The following PTRH1 variants were observed in gnomAD, a reference collection of about 807,000 sequenced individuals.
The protein encoded by PTRH1 is peptidyl-tRNA hydrolase 1 homolog.
Under a neutral mutation model 15.7 loss-of-function variants are expected in PTRH1, and 13 were observed. That is an observed-to-expected ratio of 0.83 (90% CI 0.54 to 1.31). PTRH1 has a LOEUF of 1.31. Ranked by LOEUF, PTRH1 falls within the 40% of genes most tolerant of loss-of-function variation. The pLI is 0.00. For synonymous variants in PTRH1, 139 were observed against 136.7 expected (o/e 1.02, Z -0.12); for missense variants, 319 against 296.2 (o/e 1.08, Z -0.56).
intron 1 of PTRH1, among the ~76,000 whole-genome samples, chr9:127,702,120 T>G (rs896980496): frequency 5.3e-5 from 8 of 152,132 alleles, no homozygotes; most frequent in African/African-American, 1.9e-4. Context: ...ATGCCTGTAA[T>G]CCCAGCACTT....
At chr9:127,698,214 G>C (rs1842577443) in intron 1 of PTRH1, among the ~76,000 whole-genome samples, 1 of 152,112 alleles carries the variant, frequency 6.6e-6, no homozygotes, top group Admixed American at 6.5e-5. Flanking sequence ...AAGCAACACA[G>C]CAAGACCCCG....
chr9:127,707,344 C>A, intron 1 of PTRH1: 1 of 768,538 alleles, frequency 1.3e-6, no homozygotes, highest in Non-Finnish European at 2.0e-6. Context: ...CTCATTTCCT[C>A]ATACGTACCT....
At chr9:127,699,682 A>C (rs1252570440) in intron 1 of PTRH1, among the ~76,000 whole-genome samples, 1 of 151,994 alleles carries the variant, frequency 6.6e-6, no homozygotes, top group African/African-American at 2.4e-5. Context: ...AGGATGAAAG[A>C]CTGTGCTGAG....
chr9:127,712,244 G>A, downstream of PTRH1: 4 of 1,614,056 alleles, frequency 2.5e-6, no homozygotes, highest in Non-Finnish European at 3.4e-6. Context: ...AGCAGCAGGT[G>A]GATTTGCAGC....
intron 1 of PTRH1, among the ~76,000 whole-genome samples, chr9:127,697,654 C>T (rs1842572301): frequency 1.3e-5 from 2 of 152,172 alleles, no homozygotes; most frequent in African/African-American, 2.4e-5. Context: ...GAGCAAGACT[C>T]TGTCTCAAAC....
chr9:127,715,411 G>A lies in PTRH1; in HGVS notation c.96+133C>T, dbSNP rs1355110805. 4 of 1,368,542 alleles carry A rather than the reference G, an allele frequency of 2.9e-6. No homozygotes were observed. The highest frequency in any genetic ancestry group is 3.0e-6 in the Non-Finnish European group (3 of 987,656). 84.8% of individuals were successfully genotyped at this position (1,368,542 alleles called of 1,614,324 possible). A position where few individuals can be genotyped will look rare whatever the true frequency, so the allele number is the denominator to read the frequency against. On this transcript the variant is annotated intron_variant, in intron 1 of 4. Transcript: ENST00000543175. This position sits in a 1 kb window ranked among gnomAD's most constrained non-coding sequence, Gnocchi z 5.8. ...CAGGAACGGAGCTTCAAGAAGTTTGGAGCCCGTCGAGCACTGAACTCACCA... is the reference window on the plus strand; with the variant it reads ...CAGGAACGGAGCTTCAAGAAGTTTGAAGCCCGTCGAGCACTGAACTCACCA...
intron 1 of PTRH1, chr9:127,707,308 T>C (rs1842668661): frequency 1.2e-5 from 13 of 1,090,200 alleles, no homozygotes; most frequent in Non-Finnish European, 1.7e-5. Flanking sequence ...TCCCCTGGGA[T>C]GTCCAGACCC....
chr9:127,713,882 GA>G lies in PTRH1; in HGVS notation c.*217del. ...AAGGCTTGAAAAGTTTAGTCTTCCT[GA>G]AGTTCCCCTACGTCCCAAGTAGGAC... is the stretch of plus-strand genomic sequence containing the variant. On this transcript the variant is annotated 3_prime_UTR_variant, in exon 5 of 5. Transcript: ENST00000543175. 1.2e-6 allele frequency: 2 copies of G among 1,613,960 alleles called. No individual in the cohort carries two copies. Among genetic ancestry groups the G allele is most frequent in the Non-Finnish European group, 1.7e-6 (2 of 1,180,004 alleles).
At chr9:127,713,682 T>A (rs1357398559), downstream of PTRH1, 1 of 562,436 alleles carries the variant, frequency 1.8e-6, no homozygotes, top group Non-Finnish European at 3.2e-6. Flanking sequence ...ACTTTTTGTA[T>A]TTTTAGTAGA....
chr9:127,715,582 A>G lies in PTRH1; in HGVS notation c.58T>C (p.Cys20Arg). Reference sequence around the variant, plus strand: ...CCCGGGGGGCGAGGCTCCAAAACACATCGGCTCATGGCTCTACTCAGCCGC... The same window carrying G: ...CCCGGGGGGCGAGGCTCCAAAACACGTCGGCTCATGGCTCTACTCAGCCGC... ...GQRLSRAMSRCVLEPRPPGKR... is the reference protein window; with the variant it reads ...GQRLSRAMSRRVLEPRPPGKR... The change falls in exon 1 of 5, where the codon TGT becomes CGT. Residue 20 changes from cysteine (C) to arginine (R), a missense_variant. Cys to Arg is a radical substitution (Grantham distance 180). Coordinates refer to ENST00000543175, the MANE Select transcript of PTRH1 (RefSeq NM_001002913.3). This position sits in a 1 kb window ranked among gnomAD's most constrained non-coding sequence, Gnocchi z 5.8. 2 of 1,613,426 alleles carry G rather than the reference A, an allele frequency of 1.2e-6. No individual in the cohort carries two copies. The highest frequency in any genetic ancestry group is 1.6e-4 in the Middle Eastern group (1 of 6,062).
intron 1 of PTRH1, chr9:127,707,004 G>A (rs769940134): frequency 1.2e-5 from 20 of 1,610,858 alleles, no homozygotes; most frequent in East Asian, 4.5e-5. Flanking sequence ...CCTCTTCCTG[G>A]GGCCTGGAGC....
At chr9:127,699,978 C>T (rs1270806912) in intron 1 of PTRH1, among the ~76,000 whole-genome samples, 6 of 151,968 alleles carry the variant, frequency 3.9e-5, no homozygotes, top group Non-Finnish European at 8.8e-5. Flanking sequence ...GCCAGGAGTT[C>T]GAGACCAGCC....
intron 1 of PTRH1, among the ~76,000 whole-genome samples, chr9:127,703,226 A>G (rs1842616919): frequency 2.6e-5 from 4 of 151,656 alleles, no homozygotes; most frequent in African/African-American, 9.7e-5. Flanking sequence ...TGAGGCGGGC[A>G]GATCACCTGA....
At chr9:127,713,569 C>T, downstream of PTRH1, 1 of 323,068 alleles carries the variant, frequency 3.1e-6, no homozygotes, top group Non-Finnish European at 5.6e-6. Context: ...TGCAGTGCCA[C>T]AATCTCAGCT....
chr9:127,705,780 C>T lies in PTRH1; in HGVS notation c.205+9655G>A, dbSNP rs542730684. 2.0e-5 allele frequency among the ~76,000 whole-genome samples: 3 copies of T among 152,338 alleles called. No individual in the cohort carries two copies. The highest frequency in any genetic ancestry group is 2.1e-4 in the South Asian group (1 of 4,830). On this transcript the variant is annotated intron_variant, in intron 1 of 2. Transcript: ENST00000335223. This position sits in a 1 kb window ranked among gnomAD's most constrained non-coding sequence, Gnocchi z 4.7. The stretch of plus-strand genomic sequence containing the variant: ...GGAAGGGCACTGGGCCAGGCCTCCC[C>T]GCTCTCCCCACAAGGCCTGGGCAGC...
chr9:127,715,201 G>T lies in PTRH1; in HGVS notation c.97-7C>A. The T allele has an allele frequency of 6.6e-7, 1 of 1,525,778 alleles. No homozygotes were observed. The highest frequency in any genetic ancestry group is 8.8e-7 in the Non-Finnish European group (1 of 1,140,160). 94.5% of individuals were successfully genotyped at this position (1,525,778 alleles called of 1,614,324 possible). ...GATTCCCCAGGCCAGCCACCTGCGG[G>T]CGGCACCAGGGAAACTGAGGCCCAA... On this transcript the variant is annotated splice_region_variant and splice_polypyrimidine_tract_variant and intron_variant, in intron 1 of 4. Coordinates refer to ENST00000543175, the MANE Select transcript of PTRH1 (RefSeq NM_001002913.3). The surrounding 1 kb of genome is among the most constrained non-coding windows in gnomAD (Gnocchi z 5.8).
downstream of PTRH1, chr9:127,709,383 C>T: frequency 6.3e-7 from 1 of 1,597,410 alleles, no homozygotes; most frequent in Non-Finnish European, 8.5e-7. The surrounding 1 kb of genome is among the most constrained non-coding windows in gnomAD (Gnocchi z 4.7). Flanking sequence ...CTGGCTTGCC[C>T]AGCCTGACCC....
chr9:127,703,529 T>C lies in PTRH1; in HGVS notation c.206-8388A>G, dbSNP rs928151663. On this transcript the variant is annotated intron_variant, in intron 1 of 2. Coordinates refer to the PTRH1 transcript ENST00000335223. ...AGTCAATTACGCTATTTAAACTGAT[T>C]GGTTGTAATTTTGTCTCTGACAGCC... Among the ~76,000 whole-genome samples, 7 of 152,172 alleles carry C rather than the reference T, an allele frequency of 4.6e-5. 1 individual carries two copies. Among genetic ancestry groups the C allele is most frequent in the African/African-American group, 4.8e-5 (2 of 41,542 alleles).
chr9:127,710,875 C>A, downstream of PTRH1: 2 of 1,105,964 alleles, frequency 1.8e-6, no homozygotes, highest in Non-Finnish European at 2.6e-6. Flanking sequence ...ACCGCCGCCC[C>A]GACAACCTGC....
Sources: gnomAD v4.1 joint callset for allele counts (sites outside exome capture counted in the v4.1 genomes callset) on GRCh38, gnomAD v4.1.1 for gene constraint, Gnocchi (gnomAD v3.1) non-coding constraint, MANE v1.5 for transcripts, NCBI Gene and HGNC (gene_info 2026-07-23, HGNC 2026-07-21) for gene names.